The following USP42 variants were observed in gnomAD, a reference collection of about 807,000 sequenced individuals.
USP42 encodes ubiquitin specific peptidase 42, also known as ubiquitin carboxyl-terminal hydrolase 42.
Under a neutral mutation model 113.0 loss-of-function variants are expected in USP42, and 23 were observed. The ratio of observed to expected loss-of-function variants is 0.20; its 90% CI spans 0.15 to 0.29. The LOEUF is 0.29. Ranked by LOEUF, USP42 falls within the 10% of genes least tolerant of loss-of-function variation. The pLI, the probability that USP42 is intolerant of heterozygous loss-of-function variation, is 1.00. For synonymous variants in USP42, 933 were observed against 699.0 expected (o/e 1.33, Z -5.28); for missense variants, 2,174 against 1,779.8 (o/e 1.22, Z -3.99).
intron 3 of USP42, among the ~76,000 whole-genome samples, chr7:6,129,322 G>A (rs563817038): frequency 9.9e-5 from 15 of 152,174 alleles, no homozygotes; most frequent in Admixed American, 2.6e-4. Context: ...TTGGGAAGCC[G>A]AGGCAGGTGG....
Position 6,111,130 on chromosome 7 carries a change from A to C in USP42, c.-4A>C. On this transcript the variant is annotated 5_prime_UTR_variant, in exon 2 of 18. Coordinates refer to ENST00000306177, the MANE Select transcript of USP42 (RefSeq NM_032172.3). ...ATACTTTTCATCTTTTGCAGAGTTG[A>C]ACAATGACCATAGTTGACAAAGCTT... 6.2e-7 allele frequency: 1 copy of C among 1,610,146 alleles called. No individual in the cohort carries two copies. The highest frequency in any genetic ancestry group is 8.5e-7 in the Non-Finnish European group (1 of 1,176,856).
At chr7:6,130,740 G>A (rs974683811) in intron 3 of USP42, among the ~76,000 whole-genome samples, 6 of 152,180 alleles carry the variant, frequency 3.9e-5, no homozygotes, top group African/African-American at 1.2e-4. Flanking sequence ...TCTTTTATGA[G>A]ATGGTTGCTC....
At chr7:6,120,000 C>G (rs968882228) in intron 3 of USP42, among the ~76,000 whole-genome samples, 2 of 152,186 alleles carry the variant, frequency 1.3e-5, no homozygotes, top group Non-Finnish European at 2.9e-5. Flanking sequence ...GAGTCTCGCT[C>G]TGCCGCCCGG....
At chr7:6,106,690 A>G (rs568966726) in intron 1 of USP42, among the ~76,000 whole-genome samples, 1 of 151,826 alleles carries the variant, frequency 6.6e-6, no homozygotes, top group East Asian at 1.9e-4. Context: ...TCAGCCTCCT[A>G]AGTAGGTAGG....
chr7:6,102,031 C>G (rs1790142135), upstream of USP42, among the ~76,000 whole-genome samples: 1 of 149,168 alleles, frequency 6.7e-6, no homozygotes, highest in African/African-American at 2.5e-5. Context: ...CGAGACTGTT[C>G]TAGGAGACAG....
chr7:6,154,570 C>G lies in USP42; in HGVS notation c.3016C>G (p.Leu1006Val). The change falls in exon 15 of 18, where the codon CTC (leucine) becomes GTC (valine). Residue 1006 changes from leucine to valine, a missense_variant. Physicochemically the swap from Leu to Val is conservative, Grantham distance 32. Coordinates refer to ENST00000306177, the MANE Select transcript of USP42 (RefSeq NM_032172.3). The part of the protein sequence containing the change: ...PEHHPGHGDR[L>V]SPGERRSLGR... ...GCACCACCCCGGCCACGGCGACAGG[C>G]TCAGCCCTGGCGAGCGCCGCTCTCT... 1 of 1,558,388 alleles carries G rather than the reference C, an allele frequency of 6.4e-7. No homozygotes were observed. Among genetic ancestry groups the G allele is most frequent in the East Asian group, 2.4e-5 (1 of 41,398 alleles).
chr7:6,082,951 A>T, the USP42 span, among the ~76,000 whole-genome samples: 2 of 145,108 alleles, frequency 1.4e-5, no homozygotes, highest in African/African-American at 5.2e-5. Flanking sequence ...ATATATATAT[A>T]TTTATTTATT....
intron 12 of USP42, among the ~76,000 whole-genome samples, chr7:6,148,743 C>T (rs1445411963): frequency 6.6e-6 from 1 of 152,182 alleles, no homozygotes; most frequent in Admixed American, 6.5e-5. Context: ...TGATCACACA[C>T]ACGGTCTAGC....
upstream of USP42, among the ~76,000 whole-genome samples, chr7:6,102,782 A>T (rs1265134915): frequency 1.3e-5 from 2 of 150,906 alleles, no homozygotes; most frequent in Admixed American, 1.3e-4. Flanking sequence ...GGAGTTTCTG[A>T]TACCTAGCTA....
chr7:6,141,656 T>C (rs28589643), intron 7 of USP42, among the ~76,000 whole-genome samples: 3,160 of 152,122 alleles, frequency 0.021, 120 homozygotes, highest in African/African-American at 0.073. Context: ...CCTCCAGGGT[T>C]CAAGCATTTC....
chr7:6,088,624 C>T, the USP42 span, among the ~76,000 whole-genome samples: 1 of 151,416 alleles, frequency 6.6e-6, no homozygotes, highest in African/African-American at 2.5e-5. Context: ...CCTGCCAACC[C>T]CGATTGACGT....
At chr7:6,110,125 C>T (rs956789647) in intron 1 of USP42, among the ~76,000 whole-genome samples, 3 of 152,150 alleles carry the variant, frequency 2.0e-5, no homozygotes, top group Admixed American at 6.6e-5. Context: ...TGAGCCACCG[C>T]GCCCGGCCTC....
intron 5 of USP42, 46 bp from the exon 6 acceptor site, chr7:6,140,082 G>GT: frequency 6.4e-7 from 1 of 1,565,706 alleles, no homozygotes; most frequent in Admixed American, 1.7e-5. Context: ...AGCATCTGGA[G>GT]TTTTTGCAAA....
intron 12 of USP42, 63 bp from the exon 13 acceptor site, chr7:6,149,520 T>G (rs1023378478): frequency 1.2e-5 from 18 of 1,525,482 alleles, no homozygotes; most frequent in Non-Finnish European, 1.6e-5. Flanking sequence ...TCAGCCAAAA[T>G]GGGTTCTGTT....
chr7:6,091,978 T>TTCTTC, the USP42 span, among the ~76,000 whole-genome samples: 89 of 67,936 alleles, frequency 1.3e-3, 2 homozygotes, highest in African/African-American at 3.5e-3. Flanking sequence ...GGACGTATTT[T>TTCTTC]TTCTTCTTCT....
At chr7:6,127,785 T>C (rs940226425) in intron 3 of USP42, among the ~76,000 whole-genome samples, 2 of 152,216 alleles carry the variant, frequency 1.3e-5, no homozygotes, top group Non-Finnish European at 2.9e-5. Flanking sequence ...AAATAATCTA[T>C]ATAAAATATT....
At position 6,154,574 on chromosome 7, in the gene USP42, G is replaced by T. The variant is rs1782302905; in HGVS notation, c.3020G>T (p.Ser1007Ile). The change falls in exon 15 of 18, where the codon AGC becomes ATC. Residue 1007 changes from serine (S) to isoleucine (I), a missense_variant. By Grantham distance (142) the Ser-to-Ile change is moderately radical (BLOSUM62 -2). Transcript: ENST00000306177. Reference sequence around the variant, plus strand: ...CACCCCGGCCACGGCGACAGGCTCAGCCCTGGCGAGCGCCGCTCTCTGGGC... The same window carrying T: ...CACCCCGGCCACGGCGACAGGCTCATCCCTGGCGAGCGCCGCTCTCTGGGC... ...EHHPGHGDRL[S>I]PGERRSLGRC... is the part of the protein sequence containing the mutation. The T allele has an allele frequency of 1.3e-6, 2 of 1,560,132 alleles. No homozygotes were observed.
rs969401182 is a variant in USP42 at position 6,158,048 on chromosome 7, G to A, written c.3943+993G>A. Among the ~76,000 whole-genome samples, 4 of 152,196 alleles carry A rather than the reference G, an allele frequency of 2.6e-5. No homozygotes were observed. Among genetic ancestry groups the A allele is most frequent in the African/African-American group, 9.6e-5 (4 of 41,452 alleles). ...AAACTGCAGCCCTGGGGCCAACTTCGGCCAGTCACCAGACTTTGTATGAAC... is the reference window on the plus strand; with the variant it reads ...AAACTGCAGCCCTGGGGCCAACTTCAGCCAGTCACCAGACTTTGTATGAAC... On this transcript the variant is annotated intron_variant, in intron 16 of 17. Transcript: ENST00000306177. This position sits in a 1 kb window ranked among gnomAD's most constrained non-coding sequence, Gnocchi z 4.2.
At chr7:6,085,551 G>GTAT in the USP42 span, among the ~76,000 whole-genome samples, 1 of 149,002 alleles carries the variant, frequency 6.7e-6, no homozygotes, top group Admixed American at 6.7e-5. Flanking sequence ...GGGACCTGCT[G>GTAT]TATAATAGTG....
Sources: allele counts gnomAD v4.1 joint callset (sites outside exome capture counted in the v4.1 genomes callset), GRCh38; gene constraint gnomAD v4.1.1; non-coding constraint Gnocchi (gnomAD v3.1); transcripts MANE v1.5; gene names NCBI Gene and HGNC (gene_info 2026-07-23, HGNC 2026-07-21).